SHTN1: variants seen among roughly 807,000 people sequenced by gnomAD.
The protein encoded by SHTN1 is shootin 1, also known as shootin-1.
In SHTN1, 42 loss-of-function variants were observed where a neutral mutation model predicts 83.1. The ratio of observed to expected loss-of-function variants is 0.51; its 90% CI spans 0.39 to 0.65. The LOEUF (loss-of-function observed/expected upper bound fraction) is 0.65. Among genes scored for constraint, SHTN1 ranks in the 30% least tolerant of loss-of-function variants. The probability of loss-of-function intolerance (pLI) is 0.00; values close to 1 mark genes in which losing one functional copy is unlikely to be tolerated. For synonymous variants in SHTN1, 224 were observed against 247.7 expected (o/e 0.90, Z 0.90); for missense variants, 622 against 737.8 (o/e 0.84, Z 1.82).
chr10:116,935,408 A>G (rs1168170847), intron 9 of SHTN1, among the ~76,000 whole-genome samples: 1 of 152,256 alleles, frequency 6.6e-6, no homozygotes, highest in African/African-American at 2.4e-5. Context: ...CCTTTTCTGC[A>G]TCTATTGAGA....
intron 2 of SHTN1, among the ~76,000 whole-genome samples, chr10:117,043,841 C>CAATA (rs777269978): frequency 2.0e-5 from 3 of 151,748 alleles, no homozygotes; most frequent in South Asian, 2.1e-4. Context: ...GACCCTGTCT[C>CAATA]AATAAATAAA....
At chr10:117,001,684 G>A (rs1446887460) in intron 1 of SHTN1, among the ~76,000 whole-genome samples, 2 of 152,136 alleles carry the variant, frequency 1.3e-5, no homozygotes, top group East Asian at 1.9e-4. Context: ...AAAGTAGGGT[G>A]ACTACAGTTA....
chr10:116,929,421 C>T (rs1848866928), intron 10 of SHTN1, among the ~76,000 whole-genome samples: 1 of 152,100 alleles, frequency 6.6e-6, no homozygotes. Flanking sequence ...TATTATTAGA[C>T]ACCAAAGATG....
At chr10:117,026,944 C>T (rs906012264) in intron 2 of SHTN1, among the ~76,000 whole-genome samples, 1 of 152,176 alleles carries the variant, frequency 6.6e-6, no homozygotes, top group Non-Finnish European at 1.5e-5. Flanking sequence ...CAGGCCTATG[C>T]TGACTTCTTT....
intron 1 of SHTN1, among the ~76,000 whole-genome samples, chr10:117,052,604 A>C (rs915343843): frequency 6.6e-6 from 1 of 152,190 alleles, no homozygotes; most frequent in Admixed American, 6.5e-5. Context: ...ATAGAATTGA[A>C]AGGCAAAAAA....
chr10:116,898,694 T>C (rs1383681188), intron 16 of SHTN1, among the ~76,000 whole-genome samples: 1 of 152,190 alleles, frequency 6.6e-6, no homozygotes, highest in Non-Finnish European at 1.5e-5. Context: ...AAATTAGGCT[T>C]TCCCAAGCCC....
chr10:116,991,356 G>A (rs1418954730), intron 1 of SHTN1, among the ~76,000 whole-genome samples: 1 of 152,146 alleles, frequency 6.6e-6, no homozygotes, highest in Non-Finnish European at 1.5e-5. Context: ...CATTTGTAAA[G>A]AAGTTTATTT....
chr10:116,931,469 G>A (rs1015037398), intron 9 of SHTN1, among the ~76,000 whole-genome samples: 4 of 152,110 alleles, frequency 2.6e-5, no homozygotes, highest in African/African-American at 7.2e-5. Context: ...GGCTGGTTTC[G>A]AACTCCTGGC....
At chr10:116,906,354 G>C (rs896540332) in intron 15 of SHTN1, among the ~76,000 whole-genome samples, 2 of 152,188 alleles carry the variant, frequency 1.3e-5, no homozygotes, top group Admixed American at 6.5e-5. Flanking sequence ...ATCTCTTCCT[G>C]AATGTCTTTA....
At chr10:117,013,372 C>G (rs1460515241) in intron 2 of SHTN1, among the ~76,000 whole-genome samples, 1 of 152,130 alleles carries the variant, frequency 6.6e-6, no homozygotes, top group Admixed American at 6.6e-5. Context: ...CAGGGTTTCA[C>G]TATGTTGGCC....
intron 16 of SHTN1, among the ~76,000 whole-genome samples, chr10:116,894,970 T>C (rs1193713776): frequency 6.6e-6 from 1 of 152,196 alleles, no homozygotes; most frequent in Non-Finnish European, 1.5e-5. Flanking sequence ...TGCCTCTCTT[T>C]ATAATAAAAA....
At chr10:117,019,800 G>C (rs1852233233) in intron 2 of SHTN1, among the ~76,000 whole-genome samples, 1 of 150,310 alleles carries the variant, frequency 6.7e-6, no homozygotes, top group African/African-American at 2.5e-5. Flanking sequence ...GCACTCCACA[G>C]TGGGTGACAG....
chr10:116,946,382 T>C (rs1849577834), intron 7 of SHTN1, among the ~76,000 whole-genome samples: 1 of 147,154 alleles, frequency 6.8e-6, no homozygotes, highest in Non-Finnish European at 1.5e-5. Flanking sequence ...TACCTGAATA[T>C]ATACATTTTT....
At chr10:117,077,656 G>A (rs527912692) in intron 1 of SHTN1, among the ~76,000 whole-genome samples, 1 of 152,138 alleles carries the variant, frequency 6.6e-6, no homozygotes, top group South Asian at 2.1e-4. Context: ...AGGCCCCAGT[G>A]TGTGATGTTC....
chr10:116,942,628 G>C (rs181368567), intron 8 of SHTN1, among the ~76,000 whole-genome samples: 1 of 152,250 alleles, frequency 6.6e-6, no homozygotes, highest in Admixed American at 6.5e-5. Context: ...ATGAACTAGC[G>C]GGAGTTAAGA....
chr10:117,094,900 G>A (rs1393518355), intron 1 of SHTN1, among the ~76,000 whole-genome samples: 1 of 152,124 alleles, frequency 6.6e-6, no homozygotes, highest in East Asian at 1.9e-4. Flanking sequence ...TCAAAATCAA[G>A]GGAGGATACA....
At chr10:117,013,927 TATA>T (rs1332568107) in intron 2 of SHTN1, among the ~76,000 whole-genome samples, 1 of 151,964 alleles carries the variant, frequency 6.6e-6, no homozygotes, top group African/African-American at 2.4e-5. Context: ...TGTGTATATA[TATA>T]TTTTTTTTCC....
chr10:116,929,793 G>A (rs1848883811), intron 10 of SHTN1, 56 bp downstream of exon 10: 5 of 1,230,168 alleles, frequency 4.1e-6, no homozygotes, highest in Non-Finnish European at 5.6e-6. Flanking sequence ...TTTGTACTAG[G>A]CATGAGTAAT....
chr10:116,993,933 C>A (rs1851535325), intron 1 of SHTN1, among the ~76,000 whole-genome samples: 1 of 151,962 alleles, frequency 6.6e-6, no homozygotes, highest in African/African-American at 2.4e-5. Flanking sequence ...AGTTTATCTA[C>A]TTTTGGCTTC....
Sources: allele counts gnomAD v4.1 joint callset (sites outside exome capture counted in the v4.1 genomes callset), GRCh38; gene constraint gnomAD v4.1.1; transcripts MANE v1.5; gene names NCBI Gene and HGNC (gene_info 2026-07-23, HGNC 2026-07-21).